Variants in DARS1 observed in about 807,000 individuals in gnomAD.
DARS1 encodes aspartyl-tRNA synthetase 1.
Under a neutral mutation model 68.8 loss-of-function variants are expected in DARS1, and 51 were observed. That is an observed-to-expected ratio of 0.74 (90% CI 0.59 to 0.94). The LOEUF is 0.94. DARS1 is among the 40% of genes least tolerant of loss of function. DARS1 has a pLI of 0.00. For missense variants in DARS1, 607 were observed against 597.3 expected, an observed-to-expected ratio of 1.02 and a Z score of -0.17; for synonymous variants, 203 against 190.4, an observed-to-expected ratio of 1.07 and a Z score of -0.55.
intron 3 of DARS1, among the ~76,000 whole-genome samples, chr2:135,968,096 C>A (rs536117479): frequency 2.6e-5 from 4 of 152,088 alleles, no homozygotes; most frequent in Non-Finnish European, 4.4e-5. Flanking sequence ...CCCGACTCTA[C>A]TAAAAATATA....
At chr2:135,968,067 C>T (rs912086997) in intron 3 of DARS1, among the ~76,000 whole-genome samples, 3 of 152,042 alleles carry the variant, frequency 2.0e-5, no homozygotes, top group Non-Finnish European at 4.4e-5. Context: ...TGAGACTAGC[C>T]TGGCCAAAAT....
chr2:135,975,060 T>C lies in DARS1; in HGVS notation c.217+4214A>G, dbSNP rs182691036. Among the ~76,000 whole-genome samples the C allele has an allele frequency of 2.2e-4, 33 of 152,210 alleles. No homozygotes were observed. In the East Asian group the frequency reaches 4.8e-3, roughly 22 times the overall value. ...CTATGAAACCATTAAAAAACAATGA[T>C]GCGGCCGGGCATAGTGGCTCACGCC... On this transcript the variant is annotated intron_variant, in intron 3 of 15. Transcript: ENST00000264161.
At chr2:135,939,940 C>T (rs927547544) in intron 5 of DARS1, among the ~76,000 whole-genome samples, 29 of 152,176 alleles carry the variant, frequency 1.9e-4, no homozygotes, top group African/African-American at 6.0e-4. Context: ...CACATACACC[C>T]TCCCAAGACT....
At chr2:135,956,773 A>AT (rs914496420) in intron 4 of DARS1, among the ~76,000 whole-genome samples, 55 of 151,818 alleles carry the variant, frequency 3.6e-4, no homozygotes, top group African/African-American at 1.3e-3. Context: ...TTATTTATTT[A>AT]TTTTTTTTGA....
intron 7 of DARS1, among the ~76,000 whole-genome samples, chr2:135,926,828 G>A (rs917086869): frequency 3.3e-5 from 5 of 152,158 alleles, no homozygotes; most frequent in African/African-American, 7.2e-5. Flanking sequence ...ACTTTGCTCA[G>A]AGGAAAATAA....
Position 135,920,613 on chromosome 2 carries a change from T to C in DARS1, c.812-13A>G. 6.4e-7 allele frequency: 1 copy of C among 1,570,700 alleles called. No individual in the cohort carries two copies. Among genetic ancestry groups the C allele is most frequent in the Non-Finnish European group, 8.6e-7 (1 of 1,163,944 alleles). On this transcript the variant is annotated splice_polypyrimidine_tract_variant and intron_variant, in intron 9 of 15. Coordinates refer to ENST00000264161, the MANE Select transcript of DARS1 (RefSeq NM_001349.4). ...TCCGCTCTGAATACTGTGAAGTTAATAAAAGAAATAGAGAGCAAACACTGA... is the reference window on the plus strand; with the variant it reads ...TCCGCTCTGAATACTGTGAAGTTAACAAAAGAAATAGAGAGCAAACACTGA...
Position 135,933,929 on chromosome 2 carries a change from G to A in DARS1, c.485C>T (p.Pro162Leu). 2 of 1,613,462 alleles carry A rather than the reference G, an allele frequency of 1.2e-6. No homozygotes were observed. Among genetic ancestry groups the A allele is most frequent in the Non-Finnish European group, 1.7e-6 (2 of 1,179,562 alleles). Reference protein sequence around the residue: ...LPLQLDDAVRPEAEGEEEGRA... With the variant: ...LPLQLDDAVRLEAEGEEEGRA... ...TTTTACCTCTTCTCCTTCTGCCTCA[G>A]GCCGAACAGCATCATCCAGCTGCAG... The change falls in exon 6 of 16, where the codon CCT becomes CTT. Residue 162 changes from proline (P) to leucine (L), a missense_variant. Coordinates refer to ENST00000264161, the MANE Select transcript of DARS1 (RefSeq NM_001349.4).
chr2:135,919,508 A>G (rs930728902), intron 10 of DARS1, among the ~76,000 whole-genome samples: 6 of 152,044 alleles, frequency 3.9e-5, no homozygotes, highest in African/African-American at 1.4e-4. Flanking sequence ...TTAAAATGCT[A>G]GCTTAGACTA....
At chr2:135,980,114 T>G (rs1254848587) in intron 2 of DARS1, among the ~76,000 whole-genome samples, 2 of 152,204 alleles carry the variant, frequency 1.3e-5, no homozygotes, top group African/African-American at 4.8e-5. Flanking sequence ...TCATGCTTGA[T>G]GTCATCTCAT....
chr2:135,956,474 G>A (rs1681979873), intron 4 of DARS1, among the ~76,000 whole-genome samples: 1 of 152,190 alleles, frequency 6.6e-6, no homozygotes, highest in South Asian at 2.1e-4. Context: ...GCTATGGCGG[G>A]TGATCAGATA....
In DARS1 at chr2:135,914,411, T is replaced by C. The variant is rs1016345158; in HGVS notation, c.1149+58A>G. The stretch of plus-strand genomic sequence containing the variant: ...GCTCAGACCCCTCTGCAATTGTTTT[T>C]AGTCCCAAGAGACATTTCAGAATTA... On this transcript the variant is annotated intron_variant, in intron 12 of 15. Coordinates refer to ENST00000264161, the MANE Select transcript of DARS1 (RefSeq NM_001349.4). 7.9e-6 allele frequency: 7 copies of C among 882,848 alleles called. No individual in the cohort carries two copies. The African/African-American group carries it at 1.1e-4, about 14-fold the overall frequency. 54.7% of individuals were successfully genotyped at this position (882,848 alleles called of 1,614,324 possible).
At chr2:135,935,156 C>G (rs1681439934) in intron 5 of DARS1, among the ~76,000 whole-genome samples, 1 of 152,176 alleles carries the variant, frequency 6.6e-6, no homozygotes, top group Non-Finnish European at 1.5e-5. Flanking sequence ...CAAATTCAGT[C>G]CAGCTCTGCT....
At chr2:135,911,645 G>A in intron 13 of DARS1, 152 bp from the exon 14 acceptor site, 1 of 556,748 alleles carries the variant, frequency 1.8e-6, no homozygotes, top group Non-Finnish European at 3.2e-6. Context: ...TTAAACTACT[G>A]AGGGCTGAAT....
chr2:135,983,426 G>T lies in DARS1; in HGVS notation c.95C>A (p.Ser32Tyr). ...TTTTTCTTGTGATTGTATCATTGAA[G>T]ATATTCCATATCTCTCTTTAGCATA... ...EDYAKERYGI[S>Y]SMIQSQEKPD... Residue 32 changes from serine to tyrosine, a missense_variant, in exon 2 of 16, where the codon TCT becomes TAT. Coordinates refer to ENST00000264161, the MANE Select transcript of DARS1 (RefSeq NM_001349.4). 2 of 1,236,130 alleles carry T rather than the reference G, an allele frequency of 1.6e-6. No individual in the cohort carries two copies. Among genetic ancestry groups the T allele is most frequent in the Non-Finnish European group, 2.4e-6 (2 of 842,592 alleles). 76.6% of individuals were successfully genotyped at this position (1,236,130 alleles called of 1,614,324 possible).
intron 3 of DARS1, among the ~76,000 whole-genome samples, chr2:135,966,677 G>A (rs749792235): frequency 5.9e-4 from 89 of 152,086 alleles, no homozygotes; most frequent in Non-Finnish European, 6.3e-4. Flanking sequence ...GATTACAAGC[G>A]TGTAATCCCA....
At chr2:135,956,826 T>C (rs895688628) in intron 4 of DARS1, among the ~76,000 whole-genome samples, 1 of 151,352 alleles carries the variant, frequency 6.6e-6, no homozygotes, top group African/African-American at 2.4e-5. Flanking sequence ...TGCAATGGTG[T>C]GATCTCGGCT....
At chr2:135,981,935 T>C (rs1001748164) in intron 2 of DARS1, among the ~76,000 whole-genome samples, 2 of 152,298 alleles carry the variant, frequency 1.3e-5, no homozygotes, top group Admixed American at 1.3e-4. Flanking sequence ...TGAATTTTGG[T>C]CTTTTATTGT....
In DARS1 at chr2:135,924,378, G is replaced by C; in HGVS notation, c.676+9C>G. The stretch of plus-strand genomic sequence containing the variant: ...TTTTAAAAATTAAGAGAAATATTTT[G>C]AAGCATACCTGAAATAATTTTAGGA... On this transcript the variant is annotated intron_variant, in intron 8 of 15. Transcript: ENST00000264161. The C allele has an allele frequency of 6.3e-7, 1 of 1,583,010 alleles. No individual in the cohort carries two copies. Among genetic ancestry groups the C allele is most frequent in the Non-Finnish European group, 8.5e-7 (1 of 1,171,316 alleles).
At chr2:135,926,119 G>T (rs1182374728) in intron 7 of DARS1, among the ~76,000 whole-genome samples, 1 of 152,118 alleles carries the variant, frequency 6.6e-6, no homozygotes, top group African/African-American at 2.4e-5. Context: ...TTGAACCCCT[G>T]ACCCCAGGCG....
Sources: allele counts gnomAD v4.1 joint callset (sites outside exome capture counted in the v4.1 genomes callset), GRCh38; gene constraint gnomAD v4.1.1; transcripts MANE v1.5; gene names NCBI Gene and HGNC (gene_info 2026-07-23, HGNC 2026-07-21).